The following CPNE4 variants were observed in gnomAD, a reference collection of about 807,000 sequenced individuals.
The protein encoded by CPNE4 is copine-4.
A neutral mutation model predicts 67.9 loss-of-function variants in CPNE4; 25 were observed. The ratio of observed to expected loss-of-function variants is 0.37; its 90% CI spans 0.27 to 0.51. The LOEUF (loss-of-function observed/expected upper bound fraction) is 0.51, where lower values mean the gene tolerates loss of function less well. Among genes scored for constraint, CPNE4 ranks in the 20% least tolerant of loss-of-function variants. The pLI is 0.93. For missense variants in CPNE4, 464 were observed against 690.8 expected, an observed-to-expected ratio of 0.67 and a Z score of 3.68; for synonymous variants, 242 against 244.9, an observed-to-expected ratio of 0.99 and a Z score of 0.11.
chr3:131,540,681 G>A (rs147891519), intron 15 of CPNE4, among the ~76,000 whole-genome samples: 3 of 152,326 alleles, frequency 2.0e-5, no homozygotes, highest in Non-Finnish European at 2.9e-5. Flanking sequence ...AACTCAGTAT[G>A]AAGAATGTCA....
At chr3:131,715,504 G>T (rs1017936566) in intron 3 of CPNE4, among the ~76,000 whole-genome samples, 2 of 152,216 alleles carry the variant, frequency 1.3e-5, no homozygotes, top group Non-Finnish European at 2.9e-5. Flanking sequence ...ACAACTTGCT[G>T]TGTGACCTTG....
chr3:131,666,220 CA>C (rs1188503912), intron 7 of CPNE4, among the ~76,000 whole-genome samples: 2 of 151,528 alleles, frequency 1.3e-5, no homozygotes, highest in Admixed American at 6.6e-5. Flanking sequence ...CCCTGTTTTG[CA>C]GTTTTGACTT....
chr3:131,870,387 A>T (rs1173304906), intron 2 of CPNE4, among the ~76,000 whole-genome samples: 1 of 152,186 alleles, frequency 6.6e-6, no homozygotes, highest in African/African-American at 2.4e-5. Context: ...ACTTACACAG[A>T]TTTACGATAT....
At chr3:131,663,386 G>A (rs1215323604) in intron 7 of CPNE4, among the ~76,000 whole-genome samples, 2 of 151,814 alleles carry the variant, frequency 1.3e-5, no homozygotes, top group Non-Finnish European at 2.9e-5. Context: ...CCAGATGATG[G>A]GTTGATAAAT....
At chr3:131,567,196 C>T (rs73216410) in intron 10 of CPNE4, among the ~76,000 whole-genome samples, 10,488 of 151,814 alleles carry the variant, frequency 0.069, 634 homozygotes, top group African/African-American at 0.16. Context: ...ACAATGCAAT[C>T]GGGTTATATA....
intron 14 of CPNE4, chr3:131,543,004 TATA>T (rs1935608342): frequency 3.7e-6 from 2 of 539,644 alleles, no homozygotes; most frequent in African/African-American, 1.9e-5. Flanking sequence ...ATAGCTTAAT[TATA>T]ATAACTACCT....
chr3:131,711,533 C>A (rs1360032728), intron 3 of CPNE4, among the ~76,000 whole-genome samples: 2 of 152,274 alleles, frequency 1.3e-5, no homozygotes, highest in East Asian at 3.9e-4. Context: ...GTAATCAGCC[C>A]ACCCTGGGCT....
chr3:131,742,455 G>A (rs1436691737), intron 2 of CPNE4, among the ~76,000 whole-genome samples: 1 of 152,086 alleles, frequency 6.6e-6, no homozygotes, highest in African/African-American at 2.4e-5. Flanking sequence ...TTCCATAGTT[G>A]CACGGGCCAA....
At chr3:131,544,200 G>A (rs770945017) in intron 14 of CPNE4, among the ~76,000 whole-genome samples, 1 of 152,218 alleles carries the variant, frequency 6.6e-6, no homozygotes, top group Non-Finnish European at 1.5e-5. Flanking sequence ...GGTAGTAAGA[G>A]TGAGATTAAG....
rs550278551 is a variant in CPNE4, at chr3:131,833,624, A to C, written c.180+71640T>G. On this transcript the variant is annotated intron_variant, in intron 2 of 15. Transcript: ENST00000429747. Reference sequence around the variant, plus strand: ...TGAGGCAGGAGAATCACCTGAGCCCAGGAGGTCAAGGCTACAGTGAGCCAT... The same window carrying C: ...TGAGGCAGGAGAATCACCTGAGCCCCGGAGGTCAAGGCTACAGTGAGCCAT... Among the ~76,000 whole-genome samples the C allele has an allele frequency of 1.8e-4, 27 of 152,328 alleles. No individual in the cohort carries two copies. The South Asian group carries it at 5.6e-3, about 32-fold the overall frequency.
chr3:131,648,111 G>A (rs936904184), intron 7 of CPNE4, among the ~76,000 whole-genome samples: 5 of 152,172 alleles, frequency 3.3e-5, no homozygotes, highest in Admixed American at 6.5e-5. Flanking sequence ...AGTGGTTTAT[G>A]CCTGGAATCA....
intron 1 of CPNE4, among the ~76,000 whole-genome samples, chr3:131,910,369 C>T (rs1003311169): frequency 9.2e-5 from 14 of 152,152 alleles, no homozygotes; most frequent in African/African-American, 2.4e-4. Context: ...GTTTCCTCTC[C>T]TTACCCCTTC....
chr3:131,566,082 C>T (rs988779712), intron 10 of CPNE4, among the ~76,000 whole-genome samples: 11 of 151,814 alleles, frequency 7.2e-5, no homozygotes, highest in African/African-American at 1.2e-4. Flanking sequence ...TTTTCCATTA[C>T]GCCATCATAC....
chr3:132,038,604 T>C (rs2074372284), upstream of CPNE4, among the ~76,000 whole-genome samples: 1 of 152,214 alleles, frequency 6.6e-6, no homozygotes, highest in Admixed American at 6.5e-5. Flanking sequence ...ATGAGGTCTC[T>C]CAGTTGTCCC....
chr3:131,811,301 C>T (rs1426467678), intron 2 of CPNE4, among the ~76,000 whole-genome samples: 7 of 151,942 alleles, frequency 4.6e-5, no homozygotes, highest in Non-Finnish European at 4.4e-5. Flanking sequence ...TGGGTATATA[C>T]TTCTCAAACT....
intron 7 of CPNE4, among the ~76,000 whole-genome samples, chr3:131,616,893 C>T (rs1940186572): frequency 6.6e-6 from 1 of 152,180 alleles, no homozygotes; most frequent in Non-Finnish European, 1.5e-5. Context: ...TAACTATGAG[C>T]TCTGGCAATC....
At chr3:131,725,547 A>AT (rs2081981466) in intron 2 of CPNE4, among the ~76,000 whole-genome samples, 1 of 152,214 alleles carries the variant, frequency 6.6e-6, no homozygotes, top group South Asian at 2.1e-4. Flanking sequence ...TATGATGTTC[A>AT]TTCAGAGGGT....
chr3:131,660,994 C>A (rs1019149878), intron 7 of CPNE4, among the ~76,000 whole-genome samples: 1 of 152,100 alleles, frequency 6.6e-6, no homozygotes, highest in African/African-American at 2.4e-5. Flanking sequence ...TATGGATGAG[C>A]CACAAGATAG....
chr3:131,788,951 T>C (rs1379600143), intron 2 of CPNE4, among the ~76,000 whole-genome samples: 1 of 151,766 alleles, frequency 6.6e-6, no homozygotes, highest in Non-Finnish European at 1.5e-5. Context: ...CTTTTCTTTA[T>C]TCTTAAAATT....
Sources: gnomAD v4.1 joint callset for allele counts (sites outside exome capture counted in the v4.1 genomes callset) on GRCh38, gnomAD v4.1.1 for gene constraint, MANE v1.5 for transcripts, NCBI Gene and HGNC (gene_info 2026-07-23, HGNC 2026-07-21) for gene names.